The following ZNF469 variants were observed in gnomAD, a reference collection of about 807,000 sequenced individuals.
ZNF469 encodes zinc finger protein 469.
ZNF469 carries 1 observed loss-of-function variant against 1.0 expected under a neutral mutation model. The ratio of observed to expected loss-of-function variants is 1.00; its 90% CI spans 0.35 to 4.73. The LOEUF is 4.73. Among genes scored for constraint, ZNF469 ranks in the 30% most tolerant of loss-of-function variants. The pLI is 0.16. For synonymous variants in ZNF469, 2,703 were observed against 2,363.4 expected, an observed-to-expected ratio of 1.14 and a Z score of -4.17; for missense variants, 6,100 against 5,356.3, an observed-to-expected ratio of 1.14 and a Z score of -4.33.
At chr16:88,238,651 C>A in the ZNF469 span, among the ~76,000 whole-genome samples, 21 of 152,196 alleles carry the variant, frequency 1.4e-4, no homozygotes, top group African/African-American at 5.1e-4. Flanking sequence ...TATCTGAGAA[C>A]ATTCAGGACC....
chr16:88,127,246 T>A, the ZNF469 span, among the ~76,000 whole-genome samples: 1 of 152,084 alleles, frequency 6.6e-6, no homozygotes, highest in Admixed American at 6.6e-5. Context: ...ACAGGCCTCA[T>A]AACACAGATG....
the ZNF469 span, among the ~76,000 whole-genome samples, chr16:88,347,080 C>T: frequency 5.3e-5 from 8 of 152,168 alleles, no homozygotes; most frequent in Admixed American, 3.3e-4. Context: ...ACAGGCCGTA[C>T]GGCTGAGCTT....
chr16:88,277,752 CACGCTG>C, the ZNF469 span, among the ~76,000 whole-genome samples: 1 of 60,114 alleles, frequency 1.7e-5, no homozygotes, highest in Non-Finnish European at 3.8e-5. Context: ...AGTGCTGTGC[CACGCTG>C]ACACTCGGTC....
the ZNF469 span, among the ~76,000 whole-genome samples, chr16:88,120,536 C>A: frequency 1.1e-4 from 17 of 152,348 alleles, no homozygotes; most frequent in African/African-American, 3.8e-4. Flanking sequence ...CAGTTGCAGG[C>A]GGCCGGATGC....
chr16:88,316,545 C>CTT, the ZNF469 span, among the ~76,000 whole-genome samples: 6 of 101,010 alleles, frequency 5.9e-5, 1 homozygote, highest in African/African-American at 1.7e-4. Context: ...TAGGTGCTGT[C>CTT]TTTTTTTTTT....
the ZNF469 span, among the ~76,000 whole-genome samples, chr16:88,210,358 C>A: frequency 6.6e-6 from 1 of 151,626 alleles, no homozygotes; most frequent in Non-Finnish European, 1.5e-5. Context: ...GATTTCTTTG[C>A]GGTATTTTTT....
At chr16:88,340,768 G>GGAGGGTGGGGCAGAGGA in the ZNF469 span, among the ~76,000 whole-genome samples, 2 of 152,034 alleles carry the variant, frequency 1.3e-5, no homozygotes, top group Non-Finnish European at 2.9e-5. Flanking sequence ...GGGTCAGAGG[G>GGAGGGTGGGGCAGAGGA]GAGGGTGGGG....
the ZNF469 span, among the ~76,000 whole-genome samples, chr16:88,283,235 C>T: frequency 6.6e-5 from 10 of 151,686 alleles, no homozygotes; most frequent in African/African-American, 1.9e-4. Context: ...TTCAGTCACC[C>T]GAGGGAACGC....
At chr16:88,370,019 G>GCTT in the ZNF469 span, among the ~76,000 whole-genome samples, 3 of 152,180 alleles carry the variant, frequency 2.0e-5, no homozygotes, top group African/African-American at 7.2e-5. Flanking sequence ...CACAAAGTTT[G>GCTT]GACACTCCAG....
chr16:88,179,126 C>CCCG, the ZNF469 span, among the ~76,000 whole-genome samples: 482 of 152,274 alleles, frequency 3.2e-3, no homozygotes, highest in Middle Eastern at 6.8e-3. Context: ...GGGCCCCAGA[C>CCCG]CCGCAGTGTA....
the ZNF469 span, among the ~76,000 whole-genome samples, chr16:88,224,963 A>G: frequency 2.6e-5 from 4 of 152,084 alleles, no homozygotes; most frequent in East Asian, 7.7e-4. Context: ...CCATGGTGGG[A>G]TGGTGGGGCC....
the ZNF469 span, among the ~76,000 whole-genome samples, chr16:88,265,163 C>T: frequency 6.6e-6 from 1 of 152,212 alleles, no homozygotes; most frequent in South Asian, 2.1e-4. Flanking sequence ...GGGAGTCCCG[C>T]TCTGCCCTGG....
At chr16:88,226,180 A>G in the ZNF469 span, among the ~76,000 whole-genome samples, 1 of 152,094 alleles carries the variant, frequency 6.6e-6, no homozygotes, top group Non-Finnish European at 1.5e-5. Context: ...TAAAGTCCTG[A>G]GTCTTTTTGG....
Position 88,438,508 on chromosome 16 carries a change from T to A in ZNF469, c.11038T>A (p.Ser3680Thr), listed in dbSNP as rs746733236. 4.7e-5 allele frequency: 73 copies of A among 1,549,832 alleles called. 1 individual carries two copies. In the South Asian group the frequency reaches 8.3e-4, roughly 18 times the overall value. ...ATKPAGCQSS[S>T]KDRSAASTPS... ...CAAGCCTGCGGGCTGCCAGAGCTCATCAAAGGACAGGTCGGCAGCATCCAC... is the reference window on the plus strand; with the variant it reads ...CAAGCCTGCGGGCTGCCAGAGCTCAACAAAGGACAGGTCGGCAGCATCCAC... Residue 3680 changes from serine to threonine, a missense_variant, in exon 3 of 3, where the codon TCA becomes ACA. Transcript: ENST00000565624.
the ZNF469 span, among the ~76,000 whole-genome samples, chr16:88,283,375 T>C: frequency 6.6e-6 from 1 of 151,730 alleles, no homozygotes; most frequent in Admixed American, 6.6e-5. Context: ...GGGAGGTGTG[T>C]GGACACCTGC....
At chr16:88,135,011 C>G in the ZNF469 span, among the ~76,000 whole-genome samples, 4 of 152,254 alleles carry the variant, frequency 2.6e-5, no homozygotes, top group Non-Finnish European at 5.9e-5. Context: ...CTGCAGGCAG[C>G]TCCTGGACAG....
Position 88,437,830 on chromosome 16 carries a change from C to T in ZNF469, c.10360C>T (p.Arg3454Trp), listed in dbSNP as rs755495104. 1 of 1,541,416 alleles carries T rather than the reference C, an allele frequency of 6.5e-7. No homozygotes were observed. Among genetic ancestry groups the T allele is most frequent in the Non-Finnish European group, 8.8e-7 (1 of 1,140,360 alleles). Residue 3454 changes from arginine (R) to tryptophan (W), a missense_variant, in exon 3 of 3, where the codon CGG (arginine) becomes TGG (tryptophan). Transcript: ENST00000565624. ...GCAGCCCTTCGCGTTCCGCGGCGTG[C>T]GGAGGCCGGGAGCGCCGGGACAGAA... ...GRQPFAFRGV[R>W]RPGAPGQKAR...
chr16:88,290,929 C>T, the ZNF469 span, among the ~76,000 whole-genome samples: 2 of 152,196 alleles, frequency 1.3e-5, no homozygotes, highest in African/African-American at 2.4e-5. Context: ...TTTAAACCCA[C>T]GTTTCCCCAC....
At chr16:88,286,911 G>C in the ZNF469 span, among the ~76,000 whole-genome samples, 1 of 152,190 alleles carries the variant, frequency 6.6e-6, no homozygotes, top group African/African-American at 2.4e-5. Flanking sequence ...GCTCAGGAGA[G>C]GAGATGTGGG....
Sources: allele counts gnomAD v4.1 joint callset (sites outside exome capture counted in the v4.1 genomes callset), GRCh38; gene constraint gnomAD v4.1.1; transcripts MANE v1.5; gene names NCBI Gene and HGNC (gene_info 2026-07-23, HGNC 2026-07-21).